Variants in CACNA1B observed in about 807,000 individuals in gnomAD.
CACNA1B encodes the protein calcium voltage-gated channel subunit alpha1 B, also known as voltage-dependent N-type calcium channel subunit alpha-1B.
In CACNA1B, 70 loss-of-function variants were observed where a neutral mutation model predicts 247.2. The observed-to-expected ratio is 0.28, with a 90% CI of 0.23 to 0.35. CACNA1B has a LOEUF of 0.35. Among genes scored for constraint, CACNA1B ranks in the 10% least tolerant of loss-of-function variants. CACNA1B has a pLI of 1.00. For synonymous variants in CACNA1B, 1,231 were observed against 1,294.4 expected, an observed-to-expected ratio of 0.95 and a Z score of 1.05; for missense variants, 2,367 against 3,197.4, an observed-to-expected ratio of 0.74 and a Z score of 6.26.
intron 21 of CACNA1B, among the ~76,000 whole-genome samples, chr9:138,044,938 T>G (rs1283069926): frequency 6.6e-6 from 1 of 152,166 alleles, no homozygotes; most frequent in Non-Finnish European, 1.5e-5. Context: ...CCCTGCCATG[T>G]CAGGACTGAC....
chr9:138,028,912 C>T (rs1212914124), intron 20 of CACNA1B, among the ~76,000 whole-genome samples: 1 of 152,186 alleles, frequency 6.6e-6, no homozygotes, highest in African/African-American at 2.4e-5. Context: ...GACCTCTATT[C>T]AGCATATGGC....
intron 15 of CACNA1B, among the ~76,000 whole-genome samples, chr9:138,000,304 T>C (rs752279452): frequency 2.2e-4 from 33 of 152,066 alleles, no homozygotes; most frequent in Admixed American, 1.6e-3. Flanking sequence ...TTCACCGTGT[T>C]AGCCAGGATG....
chr9:137,942,955 C>T (rs945581470), intron 6 of CACNA1B, among the ~76,000 whole-genome samples: 7 of 152,004 alleles, frequency 4.6e-5, no homozygotes, highest in Non-Finnish European at 1.0e-4. Context: ...TCCCCAATAA[C>T]CTATGGAAAT....
chr9:138,020,772 C>G lies in CACNA1B; in HGVS notation c.2268-2239C>G, dbSNP rs1589072749. On this transcript the variant is annotated intron_variant, in intron 18 of 46. Transcript: ENST00000371372. This position sits in a 1 kb window ranked among gnomAD's most constrained non-coding sequence, Gnocchi z 4.1. Reference sequence around the variant, plus strand: ...ACAGCGCCCTCAGCCCAGCAGACAGCCTGGCCTTTCCCTGCTCCAGGTGTT... The same window carrying G: ...ACAGCGCCCTCAGCCCAGCAGACAGGCTGGCCTTTCCCTGCTCCAGGTGTT... 6.6e-6 allele frequency among the ~76,000 whole-genome samples: 1 copy of G among 152,200 alleles called. No individual in the cohort carries two copies. The highest frequency in any genetic ancestry group is 2.4e-5 in the African/African-American group (1 of 41,452).
rs199768370 is a variant in CACNA1B at position 138,123,834 on chromosome 9, C to T, written c.*1835C>T. 6.6e-6 allele frequency: 1 copy of T among 152,098 alleles called. No individual in the cohort carries two copies. The highest frequency in any genetic ancestry group is 1.5e-5 in the Non-Finnish European group (1 of 68,020). 9.4% of individuals were successfully genotyped at this position (152,098 alleles called of 1,614,324 possible). On this transcript the variant is annotated 3_prime_UTR_variant, in exon 47 of 47. Coordinates refer to ENST00000371372, the MANE Select transcript of CACNA1B (RefSeq NM_000718.4). ...TTCCAATAGAATAAACCAGGAATCT[C>T]GGACTGTGCATGTGATCACTGTGCT...
At chr9:138,021,656 T>G (rs183870315) in intron 18 of CACNA1B, among the ~76,000 whole-genome samples, 66 of 152,374 alleles carry the variant, frequency 4.3e-4, no homozygotes, top group African/African-American at 1.5e-3. Context: ...TTTTCCTTTT[T>G]GCCCTTGCCT....
intron 3 of CACNA1B, among the ~76,000 whole-genome samples, chr9:137,895,087 C>T (rs1453990178): frequency 2.0e-5 from 3 of 152,126 alleles, no homozygotes; most frequent in Non-Finnish European, 4.4e-5. Flanking sequence ...GGCACCAGCA[C>T]CATTTGTTGA....
At chr9:138,079,013 C>T (rs1000862535) in intron 36 of CACNA1B, among the ~76,000 whole-genome samples, 3 of 152,122 alleles carry the variant, frequency 2.0e-5, no homozygotes, top group African/African-American at 4.8e-5. Flanking sequence ...TGGATGGAAA[C>T]GAGTTGTCGT....
intron 12 of CACNA1B, among the ~76,000 whole-genome samples, chr9:137,979,925 A>G (rs1958274565): frequency 6.6e-6 from 1 of 152,216 alleles, no homozygotes; most frequent in African/African-American, 2.4e-5. Flanking sequence ...CAGGAAGCTG[A>G]GCCACTGGTC....
At chr9:138,055,460 A>C (rs1288395044) in intron 26 of CACNA1B, among the ~76,000 whole-genome samples, 1 of 152,112 alleles carries the variant, frequency 6.6e-6, no homozygotes, top group Non-Finnish European at 1.5e-5. Flanking sequence ...AGTCCAACTG[A>C]TCTTTTTTAT....
intron 37 of CACNA1B, among the ~76,000 whole-genome samples, chr9:138,099,739 T>C (rs574001997): frequency 3.9e-5 from 6 of 152,186 alleles, no homozygotes; most frequent in African/African-American, 1.2e-4. Flanking sequence ...GTGCCTGTGG[T>C]GCGCATGTGC....
intron 39 of CACNA1B, among the ~76,000 whole-genome samples, chr9:138,108,837 GAC>G (rs1181867015): frequency 6.6e-6 from 1 of 152,172 alleles, no homozygotes; most frequent in Non-Finnish European, 1.5e-5. Flanking sequence ...TTTTAGTAGA[GAC>G]AGGGTTTCAC....
chr9:138,001,546 G>A (rs1958577912), intron 15 of CACNA1B, among the ~76,000 whole-genome samples: 2 of 151,826 alleles, frequency 1.3e-5, no homozygotes, highest in Non-Finnish European at 2.9e-5. Context: ...GGAAAATAAG[G>A]ATGCCTACTA....
chr9:138,097,571 C>T (rs1483192262), intron 37 of CACNA1B, among the ~76,000 whole-genome samples: 1 of 152,196 alleles, frequency 6.6e-6, no homozygotes, highest in Non-Finnish European at 1.5e-5. Context: ...AGCGTGTGCC[C>T]GGGAAATGAT....
At position 138,006,757 on chromosome 9, in the gene CACNA1B, A is replaced by T; in HGVS notation, c.1975-10A>T. The T allele has an allele frequency of 6.5e-7, 1 of 1,533,402 alleles. No homozygotes were observed. The highest frequency in any genetic ancestry group is 9.0e-7 in the Non-Finnish European group (1 of 1,107,472). 95.0% of individuals were successfully genotyped at this position (1,533,402 alleles called of 1,614,324 possible). A position where few individuals can be genotyped will look rare whatever the true frequency, so the allele number is the denominator to read the frequency against. On this transcript the variant is annotated splice_polypyrimidine_tract_variant and intron_variant, in intron 15 of 46. Coordinates refer to ENST00000371372, the MANE Select transcript of CACNA1B (RefSeq NM_000718.4). ...TGGGGGCTTGCCCTGTGTTCTCTCCATCCTGGCAGATCCTGACGGGAGAGG... is the reference window on the plus strand; with the variant it reads ...TGGGGGCTTGCCCTGTGTTCTCTCCTTCCTGGCAGATCCTGACGGGAGAGG...
chr9:138,059,724 T>C lies in CACNA1B; in HGVS notation c.4655T>C (p.Val1552Ala). 6.3e-7 allele frequency: 1 copy of C among 1,596,810 alleles called. No individual in the cohort carries two copies. The highest frequency in any genetic ancestry group is 1.1e-5 in the South Asian group (1 of 90,724). Residue 1552 changes from valine to alanine, a missense_variant, in exon 31 of 47, where the codon GTA (valine) becomes GCA (alanine). By Grantham distance (64) the Val-to-Ala change is moderately conservative. Around this residue, in one of 12 missense-constraint regions of CACNA1B, gnomAD observed 436 missense variants for 679.5 expected, o/e 0.64. Coordinates refer to ENST00000371372, the MANE Select transcript of CACNA1B (RefSeq NM_000718.4). This position sits in a 1 kb window ranked among gnomAD's most constrained non-coding sequence, Gnocchi z 4.2. ...TTGGGAAGTATTACTGATATTTTAG[T>C]AACAGAGATTGCGGTAAGTAGCATT... ...TVLGSITDIL[V>A]TEIAETNNFI...
At chr9:138,078,006 G>A in intron 35 of CACNA1B, 108 bp from the exon 36 acceptor site, 1 of 886,564 alleles carries the variant, frequency 1.1e-6, no homozygotes, top group Non-Finnish European at 1.7e-6. Context: ...ACATGTGTGA[G>A]CTGTCTGTGG....
intron 32 of CACNA1B, 103 bp downstream of exon 32, chr9:138,069,866 G>A: frequency 9.8e-7 from 1 of 1,018,964 alleles, no homozygotes; most frequent in East Asian, 2.4e-5. Flanking sequence ...TGCCCTCTAG[G>A]CGTGTGGTTG....
rs1285460983 is a variant in CACNA1B at position 137,914,685 on chromosome 9, G to A, written c.654G>A (p.Lys218=). 5 of 1,613,974 alleles carry A rather than the reference G, an allele frequency of 3.1e-6. No individual in the cohort carries two copies. Among genetic ancestry groups the A allele is most frequent in the Non-Finnish European group, 4.2e-6 (5 of 1,179,864 alleles). The change falls in exon 5 of 47, where the codon AAG becomes AAA. Residue 218 remains lysine (K), a synonymous_variant. Coordinates refer to ENST00000371372, the MANE Select transcript of CACNA1B (RefSeq NM_000718.4). This position sits in a 1 kb window ranked among gnomAD's most constrained non-coding sequence, Gnocchi z 4.3. ...SLQVVLKSIM[K]AMVPLLQIGL... ...AGGTGGTGCTCAAGTCCATCATGAA[G>A]GCCATGGTTCCACTCCTGCAGATTG...
Sources: gnomAD v4.1 joint callset for allele counts (sites outside exome capture counted in the v4.1 genomes callset) on GRCh38, gnomAD v4.1.1 for gene constraint, gnomAD v4.1.1 regional missense constraint, Gnocchi (gnomAD v3.1) non-coding constraint, MANE v1.5 for transcripts, NCBI Gene and HGNC (gene_info 2026-07-23, HGNC 2026-07-21) for gene names.